Variants in CACNA1A observed in about 807,000 individuals in gnomAD.
CACNA1A encodes the protein voltage-dependent P/Q-type calcium channel subunit alpha-1A.
A neutral mutation model predicts 262.4 loss-of-function variants in CACNA1A; 57 were observed. That is an observed-to-expected ratio of 0.22 (90% CI 0.18 to 0.27). The LOEUF (loss-of-function observed/expected upper bound fraction) is 0.27, where lower values mean the gene tolerates loss of function less well. CACNA1A is among the 10% of genes least tolerant of loss of function. The pLI is 1.00. For missense variants in CACNA1A, 2,526 were observed against 3,562.8 expected (o/e 0.71, Z 7.41); for synonymous variants, 1,431 against 1,419.3 (o/e 1.01, Z -0.18).
At chr19:13,486,059 T>C (rs796716846) in intron 1 of CACNA1A, among the ~76,000 whole-genome samples, 13 of 152,198 alleles carry the variant, frequency 8.5e-5, no homozygotes, top group African/African-American at 3.1e-4. Flanking sequence ...TGAAGCAAAA[T>C]ACAAAACAAC....
chr19:13,403,872 A>T (rs956404889), intron 3 of CACNA1A, among the ~76,000 whole-genome samples: 1 of 152,080 alleles, frequency 6.6e-6, no homozygotes, highest in Non-Finnish European at 1.5e-5. Flanking sequence ...GTGGGAGGAT[A>T]GCTTGAACCT....
chr19:13,423,314 G>A (rs915268568), intron 3 of CACNA1A, among the ~76,000 whole-genome samples: 1 of 152,138 alleles, frequency 6.6e-6, no homozygotes. Context: ...GGCAGAGTGC[G>A]TGATGGAGGG....
At chr19:13,295,011 G>C (rs1035538812) in intron 19 of CACNA1A, among the ~76,000 whole-genome samples, 1 of 152,148 alleles carries the variant, frequency 6.6e-6, no homozygotes, top group Non-Finnish European at 1.5e-5. Flanking sequence ...GCTGTTGTTA[G>C]ACTGAAACAC....
chr19:13,308,478 G>C lies in CACNA1A; in HGVS notation c.1719C>G (p.Gly573=), dbSNP rs2057953584. Residue 573 remains glycine (G), a synonymous_variant, in exon 13 of 47, where the codon GGC becomes GGG. Transcript: ENST00000360228. The surrounding 1 kb of genome is among the most constrained non-coding windows in gnomAD (Gnocchi z 4.2). ...FEVIWAVIKP[G]TSFGISVLRA... Reference sequence around the variant, plus strand: ...GTAACACGCTGATTCCAAAGGATGTGCCAGGTTTTATGACAGCCCAGATGA... The same window carrying C: ...GTAACACGCTGATTCCAAAGGATGTCCCAGGTTTTATGACAGCCCAGATGA... 1.2e-6 allele frequency: 2 copies of C among 1,613,616 alleles called. No homozygotes were observed. The highest frequency in any genetic ancestry group is 1.3e-5 in the African/African-American group (1 of 75,014).
rs1218845128 is a variant in CACNA1A at position 13,444,438 on chromosome 19, C to T, written c.539+8438G>A. ...AAGAAAGAAAGGAGGTAAGAAGCAA[C>T]TACATGTATTTATTCAATTAATCAA... On this transcript the variant is annotated intron_variant, in intron 3 of 46. Coordinates refer to ENST00000360228, the MANE Select transcript of CACNA1A (RefSeq NM_001127222.2). Among the ~76,000 whole-genome samples, 4 of 152,166 alleles carry T rather than the reference C, an allele frequency of 2.6e-5. No individual in the cohort carries two copies. In the East Asian group the frequency reaches 7.7e-4, roughly 29 times the overall value.
intron 38 of CACNA1A, chr19:13,215,012 GT>G (rs1264509488): frequency 4.6e-3 from 157 of 34,330 alleles, no homozygotes; most frequent in South Asian, 0.014. Context: ...GTGTGTGTGT[GT>G]TTTTTTTTTT....
rs755685706 is a variant in CACNA1A, at chr19:13,245,167, T to C, written c.4950+15A>G. 4.4e-6 allele frequency: 7 copies of C among 1,607,810 alleles called. No individual in the cohort carries two copies. Among genetic ancestry groups the C allele is most frequent in the Non-Finnish European group, 6.0e-6 (7 of 1,174,402 alleles). ...AGCCCAGAGTCACCCAGAGAGAAGC[T>C]GGAGGGAGACTTACCCCAAACTCAG... On this transcript the variant is annotated intron_variant, in intron 31 of 46. Transcript: ENST00000360228.
chr19:13,252,026 A>G (rs556529625), intron 30 of CACNA1A, among the ~76,000 whole-genome samples: 93 of 151,726 alleles, frequency 6.1e-4, no homozygotes, highest in Admixed American at 1.1e-3. Flanking sequence ...TCTGCCTCCC[A>G]AAGTGCTGGG....
intron 10 of CACNA1A, among the ~76,000 whole-genome samples, chr19:13,327,566 A>G (rs141825607): frequency 2.7e-5 from 4 of 150,216 alleles, no homozygotes; most frequent in South Asian, 2.1e-4. Context: ...ATACATATAT[A>G]TGTATATGCA....
intron 6 of CACNA1A, among the ~76,000 whole-genome samples, chr19:13,349,448 G>A (rs571767255): frequency 6.6e-6 from 1 of 152,312 alleles, no homozygotes; most frequent in Admixed American, 6.5e-5. Flanking sequence ...ACCTTCCCCT[G>A]TGAGAGTGGA....
Position 13,294,591 on chromosome 19 carries a change from AATTC to A in CACNA1A, c.3089+3949_3089+3952del, listed in dbSNP as rs1189775969. ...CACTGTAACCTCTGCCTCGCAGGAC[AATTC>A]TTGTGCCTCAGCCTCCTGAGTAGCT... On this transcript the variant is annotated intron_variant, in intron 19 of 46. Coordinates refer to ENST00000360228, the MANE Select transcript of CACNA1A (RefSeq NM_001127222.2). Among the ~76,000 whole-genome samples the A allele has an allele frequency of 1.0e-4, 15 of 147,162 alleles. No individual in the cohort carries two copies. The East Asian group carries it at 3.1e-3, about 30-fold the overall frequency.
At chr19:13,317,370 A>G in intron 10 of CACNA1A, 49 bp from the exon 11 acceptor site, 4 of 1,482,484 alleles carry the variant, frequency 2.7e-6, no homozygotes, top group Non-Finnish European at 3.7e-6. Flanking sequence ...TTCCTTCAGA[A>G]GAAATTAACC....
rs118060636 is a variant in CACNA1A, at chr19:13,312,597, T to C, written c.1668+72A>G. 5.3e-4 allele frequency: 460 copies of C among 869,796 alleles called. 3 individuals are homozygous for C. In the East Asian group the frequency reaches 9.7e-3, roughly 18 times the overall value. 53.9% of individuals were successfully genotyped at this position (869,796 alleles called of 1,614,324 possible). ...CAGGGGTGACTTTACCTTTCTCCCT[T>C]TAATGTGTCCAGGTATCTGTCATTC... On this transcript the variant is annotated intron_variant, in intron 12 of 46. Coordinates refer to ENST00000360228, the MANE Select transcript of CACNA1A (RefSeq NM_001127222.2).
At chr19:13,278,814 T>G (rs1386671679) in intron 22 of CACNA1A, among the ~76,000 whole-genome samples, 4 of 152,176 alleles carry the variant, frequency 2.6e-5, no homozygotes, top group African/African-American at 9.7e-5. Context: ...ATAACTTATA[T>G]TCCTGTTATA....
rs550986445 is a variant in CACNA1A at position 13,291,288 on chromosome 19, T to C, written c.3090-4322A>G. Among the ~76,000 whole-genome samples the C allele has an allele frequency of 4.6e-5, 7 of 152,120 alleles. No individual in the cohort carries two copies. The South Asian group carries it at 1.4e-3, about 32-fold the overall frequency. ...AGATCGGATTATGTGGGGGTGATAA[T>C]AACAGCAGTTCCTGTTTATTGCTTA... On this transcript the variant is annotated intron_variant, in intron 19 of 46. Coordinates refer to ENST00000360228, the MANE Select transcript of CACNA1A (RefSeq NM_001127222.2).
intron 29 of CACNA1A, among the ~76,000 whole-genome samples, chr19:13,254,577 G>C (rs1049794824): frequency 1.2e-4 from 19 of 152,004 alleles, no homozygotes; most frequent in Admixed American, 9.2e-4. Context: ...GGTCAGGCTG[G>C]TCTCGAACTC....
intron 9 of CACNA1A, among the ~76,000 whole-genome samples, chr19:13,331,416 T>C (rs977498433): frequency 6.6e-6 from 1 of 152,052 alleles, no homozygotes; most frequent in South Asian, 2.1e-4. Flanking sequence ...TTTGTATTTT[T>C]AGTAGAGATG....
At chr19:13,355,968 T>A (rs1347055392) in intron 6 of CACNA1A, among the ~76,000 whole-genome samples, 1 of 152,132 alleles carries the variant, frequency 6.6e-6, no homozygotes, top group South Asian at 2.1e-4. Context: ...GCAGAAATCA[T>A]CCCTGGGCGA....
rs1980250409 is a variant in CACNA1A, at chr19:13,488,070, G to A, written c.293+17862C>T. Among the ~76,000 whole-genome samples, 8 of 152,212 alleles carry A rather than the reference G, an allele frequency of 5.3e-5. No individual in the cohort carries two copies. In the South Asian group the frequency reaches 1.7e-3, roughly 32 times the overall value. ...GCTAGGATTATAGGTGTGAGCCACT[G>A]CATCTGACCCTACTCAGCACTTTGA... On this transcript the variant is annotated intron_variant, in intron 1 of 46. Transcript: ENST00000360228.
Sources: allele counts gnomAD v4.1 joint callset (sites outside exome capture counted in the v4.1 genomes callset), GRCh38; gene constraint gnomAD v4.1.1; non-coding constraint Gnocchi (gnomAD v3.1); transcripts MANE v1.5; gene names NCBI Gene and HGNC (gene_info 2026-07-23, HGNC 2026-07-21).